Variants in CDC14A observed in about 807,000 individuals in gnomAD.
CDC14A encodes the protein dual specificity protein phosphatase CDC14A.
A neutral mutation model predicts 74.4 loss-of-function variants in CDC14A; 53 were observed. That is an observed-to-expected ratio of 0.71 (90% CI 0.57 to 0.89). The LOEUF (loss-of-function observed/expected upper bound fraction) is 0.89. Among genes scored for constraint, CDC14A ranks in the 40% least tolerant of loss-of-function variants. CDC14A has a pLI of 0.00. For missense variants in CDC14A, 646 were observed against 713.7 expected (o/e 0.91, Z 1.08); for synonymous variants, 247 against 258.4 (o/e 0.96, Z 0.43).
intron 11 of CDC14A, among the ~76,000 whole-genome samples, chr1:100,493,071 T>G (rs1647218504): frequency 6.6e-6 from 1 of 152,242 alleles, no homozygotes. Flanking sequence ...ATATCTGTTT[T>G]ACCTTTATAC....
intron 5 of CDC14A, among the ~76,000 whole-genome samples, chr1:100,438,230 G>A (rs1347429619): frequency 6.6e-6 from 1 of 151,608 alleles, no homozygotes; most frequent in East Asian, 1.9e-4. Flanking sequence ...TGCATTTTGG[G>A]GTATTGCAAA....
chr1:100,365,172 T>C (rs775711010), intron 2 of CDC14A, among the ~76,000 whole-genome samples: 2 of 152,250 alleles, frequency 1.3e-5, no homozygotes, highest in Non-Finnish European at 2.9e-5. Context: ...TCCTAATACA[T>C]GTAGCTGCTT....
chr1:100,501,464 G>A (rs750692524), intron 15 of CDC14A, among the ~76,000 whole-genome samples: 1 of 152,134 alleles, frequency 6.6e-6, no homozygotes, highest in Non-Finnish European at 1.5e-5. Context: ...CGTAGCCCTC[G>A]TAGGGTTATA....
chr1:100,420,055 C>CCATATATATAT (rs1553180489), intron 4 of CDC14A, among the ~76,000 whole-genome samples: 4 of 21,052 alleles, frequency 1.9e-4, no homozygotes, highest in African/African-American at 6.8e-4. Flanking sequence ...CACACACACA[C>CCATATATATAT]ACACACACAT....
At chr1:100,504,861 C>T in intron 15 of CDC14A, 2 of 1,535,658 alleles carry the variant, frequency 1.3e-6, no homozygotes, top group African/African-American at 2.7e-5. Context: ...TTGGAAGCCC[C>T]CTGCTCTCCT....
At chr1:100,425,031 A>G (rs1471858835) in intron 5 of CDC14A, among the ~76,000 whole-genome samples, 1 of 152,086 alleles carries the variant, frequency 6.6e-6, no homozygotes, top group Non-Finnish European at 1.5e-5. Context: ...AGCCAGGCAT[A>G]GTGGTATGTG....
chr1:100,364,506 C>T (rs752848214), intron 2 of CDC14A, among the ~76,000 whole-genome samples: 14 of 152,186 alleles, frequency 9.2e-5, no homozygotes, highest in East Asian at 5.8e-4. Context: ...CCGTTGCCCC[C>T]GGCCCTGTGA....
chr1:100,443,076 A>G lies in CDC14A; in HGVS notation c.519+80A>G. 5 of 900,250 alleles carry G rather than the reference A, an allele frequency of 5.6e-6. No individual in the cohort carries two copies. The South Asian group carries it at 7.0e-5, about 13-fold the overall frequency. The allele number at this position is 900,250 out of a possible 1,614,324, so 55.8% of individuals were successfully genotyped here. A position where few individuals can be genotyped will look rare whatever the true frequency, so the allele number is the denominator to read the frequency against. ...CCCCCTGTCACACTCATGTATTGCA[A>G]ATCGAGTGGGTGCTAAATAAAAGCA... On this transcript the variant is annotated intron_variant, in intron 7 of 15. Coordinates refer to ENST00000336454, the MANE Select transcript of CDC14A (RefSeq NM_003672.4).
intron 2 of CDC14A, chr1:100,363,229 G>A (rs1478439770): frequency 6.6e-6 from 1 of 152,232 alleles, no homozygotes; most frequent in Admixed American, 6.5e-5. Context: ...GTCCCAGGTA[G>A]TAGTATTCCT....
chr1:100,409,499 G>A (rs1660387787), intron 4 of CDC14A, among the ~76,000 whole-genome samples: 1 of 152,198 alleles, frequency 6.6e-6, no homozygotes, highest in Non-Finnish European at 1.5e-5. Context: ...CCACCTATGA[G>A]CCTATAAAGT....
chr1:100,470,940 G>C (rs1483757459), intron 10 of CDC14A, among the ~76,000 whole-genome samples: 1 of 152,058 alleles, frequency 6.6e-6, no homozygotes, highest in Non-Finnish European at 1.5e-5. Context: ...TTAAATAAGG[G>C]AAATGGAAAC....
intron 15 of CDC14A, among the ~76,000 whole-genome samples, chr1:100,514,020 A>G (rs1649998153): frequency 6.6e-6 from 1 of 152,210 alleles, no homozygotes; most frequent in Non-Finnish European, 1.5e-5. Context: ...CATATTCATA[A>G]TAAACTTGAT....
chr1:100,441,523 T>C (rs1249214340), intron 6 of CDC14A, among the ~76,000 whole-genome samples: 1 of 152,176 alleles, frequency 6.6e-6, no homozygotes, highest in Non-Finnish European at 1.5e-5. Flanking sequence ...TTCCATGTTA[T>C]GTGAACTACT....
chr1:100,433,044 A>T (rs12760924), intron 5 of CDC14A, among the ~76,000 whole-genome samples: 50,123 of 148,384 alleles, frequency 0.34, 9,532 homozygotes, highest in East Asian at 0.54. Context: ...GTCTAATTAA[A>T]TTTTTTTTTT....
chr1:100,448,634 C>T (rs570221043), intron 7 of CDC14A, among the ~76,000 whole-genome samples: 1 of 152,350 alleles, frequency 6.6e-6, no homozygotes, highest in African/African-American at 2.4e-5. Context: ...CCAGGCAGCT[C>T]CATTCTGGTC....
chr1:100,514,880 T>A (rs1001289186), intron 15 of CDC14A, among the ~76,000 whole-genome samples: 1 of 152,212 alleles, frequency 6.6e-6, no homozygotes, highest in East Asian at 1.9e-4. Flanking sequence ...AATAATATTG[T>A]TCATGGAATT....
At chr1:100,361,094 G>A (rs1223313261) in intron 2 of CDC14A, among the ~76,000 whole-genome samples, 1 of 140,936 alleles carries the variant, frequency 7.1e-6, no homozygotes, top group African/African-American at 2.8e-5. Context: ...ATACCCCTTT[G>A]TGCTTAAAAA....
In CDC14A at chr1:100,456,313, A is replaced by G. The variant is rs561682902; in HGVS notation, c.607+821A>G. 2.0e-3 allele frequency among the ~76,000 whole-genome samples: 302 copies of G among 152,358 alleles called. 1 individual carries two copies. Among genetic ancestry groups the G allele is most frequent in the African/African-American group, 6.7e-3 (279 of 41,578 alleles). On this transcript the variant is annotated intron_variant, in intron 8 of 15. Transcript: ENST00000336454. ...CATTAAGACTTATTTTGTACTTACT[A>G]ATTTTTTCTATCTACTAATATTCCC...
rs542359101 is a variant in CDC14A at position 100,490,444 on chromosome 1, A to T, written c.1138-4374A>T. Among the ~76,000 whole-genome samples the T allele has an allele frequency of 1.0e-3, 158 of 152,272 alleles. 1 individual carries two copies. The highest frequency in any genetic ancestry group is 1.3e-3 in the Non-Finnish European group (89 of 68,014). On this transcript the variant is annotated intron_variant, in intron 11 of 15. Coordinates refer to ENST00000336454, the MANE Select transcript of CDC14A (RefSeq NM_003672.4). The stretch of plus-strand genomic sequence containing the variant: ...GGCCACAGAGAAAAAATAAAAGAAG[A>T]TTAGTTTAGACAAAAATAGTACGGT...
Sources: allele counts gnomAD v4.1 joint callset (sites outside exome capture counted in the v4.1 genomes callset), GRCh38; gene constraint gnomAD v4.1.1; transcripts MANE v1.5; gene names NCBI Gene and HGNC (gene_info 2026-07-23, HGNC 2026-07-21).